The following ITGAL variants were observed in gnomAD, a reference collection of about 807,000 sequenced individuals.
ITGAL encodes the protein integrin subunit alpha L.
A neutral mutation model predicts 138.4 loss-of-function variants in ITGAL; 68 were observed. That is an observed-to-expected ratio of 0.49 (90% CI 0.40 to 0.60). The LOEUF (loss-of-function observed/expected upper bound fraction) is 0.60, where lower values mean the gene tolerates loss of function less well. Among genes scored for constraint, ITGAL ranks in the 20% least tolerant of loss-of-function variants. ITGAL has a pLI of 0.00. For synonymous variants in ITGAL, 561 were observed against 584.3 expected, an observed-to-expected ratio of 0.96 and a Z score of 0.57; for missense variants, 1,256 against 1,478.6, an observed-to-expected ratio of 0.85 and a Z score of 2.47.
chr16:30,497,429 C>A (rs1225196754), intron 15 of ITGAL, among the ~76,000 whole-genome samples: 2 of 151,228 alleles, frequency 1.3e-5, no homozygotes, highest in African/African-American at 4.8e-5. Context: ...ATTACTTGAG[C>A]TCAAGAGTTT....
In ITGAL at chr16:30,499,734, T is replaced by TA. The variant is rs71149033; in HGVS notation, c.2145+245_2145+246insA. The stretch of plus-strand genomic sequence containing the variant: ...ATATGTATATATATATATATATATA[T>TA]TTTTTTTTTTTTGACACAGAGTCTC... On this transcript the variant is annotated intron_variant, in intron 17 of 30. Coordinates refer to ENST00000356798, the MANE Select transcript of ITGAL (RefSeq NM_002209.3). 4.2e-3 allele frequency among the ~76,000 whole-genome samples: 321 copies of TA among 76,616 alleles called. 5 individuals are homozygous for TA. The highest frequency in any genetic ancestry group is 0.011 in the African/African-American group (141 of 12,814). The allele number at this position is 76,616 out of a possible 152,430, so 50.3% of individuals were successfully genotyped here.
In ITGAL at chr16:30,494,377, G is replaced by T; in HGVS notation, c.1365+14G>T. ...CATGGGACCCAGGTGCGCCCAGTCCGAGGGCATCTGCAGACCAGGGACTGG... is the reference window on the plus strand; with the variant it reads ...CATGGGACCCAGGTGCGCCCAGTCCTAGGGCATCTGCAGACCAGGGACTGG... On this transcript the variant is annotated intron_variant, in intron 12 of 30. Coordinates refer to ENST00000356798, the MANE Select transcript of ITGAL (RefSeq NM_002209.3). This position sits in a 1 kb window ranked among gnomAD's most constrained non-coding sequence, Gnocchi z 4.2. The T allele has an allele frequency of 6.3e-7, 1 of 1,590,078 alleles. No individual in the cohort carries two copies. The highest frequency in any genetic ancestry group is 8.6e-7 in the Non-Finnish European group (1 of 1,163,722).
Position 30,474,268 on chromosome 16 carries a change from T to C in ITGAL, c.134T>C (p.Phe45Ser). Residue 45 changes from phenylalanine to serine, a missense_variant, in exon 2 of 31, where the codon TTT becomes TCT. Around this residue, in one of 3 missense-constraint regions of ITGAL, gnomAD observed 212 missense variants for 217.4 expected, o/e 0.98. Transcript: ENST00000356798. ...SFSPPRAGRH[F>S]GYRVLQVGNG... ...TCCCCACCGCGCGCCGGGAGGCACTTTGGATACCGCGTCCTGCAGGTCGGA... is the reference window on the plus strand; with the variant it reads ...TCCCCACCGCGCGCCGGGAGGCACTCTGGATACCGCGTCCTGCAGGTCGGA... 6.2e-7 allele frequency: 1 copy of C among 1,609,328 alleles called. No individual in the cohort carries two copies. The highest frequency in any genetic ancestry group is 8.5e-7 in the Non-Finnish European group (1 of 1,177,936).
intron 30 of ITGAL, among the ~76,000 whole-genome samples, chr16:30,520,762 T>C (rs2051241084): frequency 6.6e-6 from 1 of 152,030 alleles, no homozygotes; most frequent in Non-Finnish European, 1.5e-5. Flanking sequence ...GAGGTGGCAT[T>C]TGAGGTGGGA....
In ITGAL at chr16:30,503,486, T is replaced by A. The variant is rs577217512; in HGVS notation, c.2146-689T>A. Among the ~76,000 whole-genome samples, 14 of 119,726 alleles carry A rather than the reference T, an allele frequency of 1.2e-4. No homozygotes were observed. The East Asian group carries it at 2.7e-3, about 23-fold the overall frequency. The allele number at this position is 119,726 out of a possible 152,430, so 78.5% of individuals were successfully genotyped here. On this transcript the variant is annotated intron_variant, in intron 17 of 30. Coordinates refer to ENST00000356798, the MANE Select transcript of ITGAL (RefSeq NM_002209.3). ...TAGAGGGGGACAGAAGGAGGGAGGATGAAAGAGAAAGAGAAAGAAAGGAGG... is the reference window on the plus strand; with the variant it reads ...TAGAGGGGGACAGAAGGAGGGAGGAAGAAAGAGAAAGAGAAAGAAAGGAGG...
In ITGAL at chr16:30,510,882, T is replaced by A; in HGVS notation, c.2621T>A (p.Val874Asp). 1 of 1,613,720 alleles carries A rather than the reference T, an allele frequency of 6.2e-7. No individual in the cohort carries two copies. The highest frequency in any genetic ancestry group is 8.5e-7 in the Non-Finnish European group (1 of 1,179,772). Reference sequence around the variant, plus strand: ...CATTGCCCTCTCCTTTCCTGCCAGGTTGCTCTGCAGATGATGTTTAATACA... The same window carrying A: ...CATTGCCCTCTCCTTTCCTGCCAGGATGCTCTGCAGATGATGTTTAATACA... ...SSPIFKAGHS[V>D]ALQMMFNTLV... is the part of the protein sequence containing the mutation. The change falls in exon 23 of 31, where the codon GTT becomes GAT. Residue 874 changes from valine (V) to aspartate (D), a missense_variant and splice_region_variant. Around this residue, in one of 3 missense-constraint regions of ITGAL, gnomAD observed 867 missense variants for 972.5 expected, o/e 0.89. Coordinates refer to ENST00000356798, the MANE Select transcript of ITGAL (RefSeq NM_002209.3).
chr16:30,478,045 A>G (rs1264700658), intron 4 of ITGAL, among the ~76,000 whole-genome samples: 3 of 151,720 alleles, frequency 2.0e-5, no homozygotes, highest in Non-Finnish European at 4.4e-5. Context: ...AAGGAAGGAA[A>G]GAAAGAAAAG....
At chr16:30,507,713 C>G (rs2051025369) in intron 21 of ITGAL, among the ~76,000 whole-genome samples, 1 of 151,876 alleles carries the variant, frequency 6.6e-6, no homozygotes, top group Admixed American at 6.6e-5. Flanking sequence ...TCTCAAACTT[C>G]TGAGCTCAAG....
intron 25 of ITGAL, among the ~76,000 whole-genome samples, chr16:30,514,322 G>A (rs999376480): frequency 4.6e-5 from 7 of 151,582 alleles, no homozygotes; most frequent in African/African-American, 1.7e-4. Context: ...TGTCACCCAG[G>A]CTGGAGTGCA....
At chr16:30,482,948 T>C (rs1462493340) in intron 7 of ITGAL, among the ~76,000 whole-genome samples, 1 of 152,100 alleles carries the variant, frequency 6.6e-6, no homozygotes, top group Non-Finnish European at 1.5e-5. Context: ...TGTCTCAGCC[T>C]CCTGAGTAGT....
intron 21 of ITGAL, chr16:30,509,585 C>G (rs2051057475): frequency 6.6e-6 from 1 of 152,034 alleles, no homozygotes; most frequent in African/African-American, 2.4e-5. Context: ...CCCCTACACC[C>G]AACTTTTATT....
At chr16:30,472,919 G>T (rs1325885255) in intron 1 of ITGAL, 21 bp downstream of exon 1, 1 of 1,609,484 alleles carries the variant, frequency 6.2e-7, no homozygotes, top group Non-Finnish European at 8.5e-7. Flanking sequence ...GAGGAGGCAG[G>T]GGAAGGGACA....
intron 9 of ITGAL, among the ~76,000 whole-genome samples, chr16:30,486,831 T>TGTTGCCCAGACTGGAGTGCA (rs1467575120): frequency 6.6e-6 from 1 of 152,192 alleles, no homozygotes; most frequent in African/African-American, 2.4e-5. Context: ...GGACTCACTC[T>TGTTGCCCAGACTGGAGTGCA]GTTGCCCAGA....
chr16:30,489,013 C>T, intron 9 of ITGAL, 69 bp from the exon 10 acceptor site: 1 of 1,306,374 alleles, frequency 7.7e-7, no homozygotes, highest in Non-Finnish European at 1.1e-6. Context: ...TCTTCCCCGT[C>T]CTGCCATGAA....
intron 11 of ITGAL, among the ~76,000 whole-genome samples, chr16:30,491,010 C>G (rs2050717354): frequency 6.6e-6 from 1 of 151,002 alleles, no homozygotes; most frequent in Non-Finnish European, 1.5e-5. Context: ...TTGTGCATGC[C>G]TGTGGTCCCA....
intron 9 of ITGAL, among the ~76,000 whole-genome samples, chr16:30,487,824 T>C (rs1194801604): frequency 6.6e-6 from 1 of 151,918 alleles, no homozygotes; most frequent in East Asian, 1.9e-4. Context: ...CTCGAGCAAT[T>C]CTCCTGCCTC....
chr16:30,482,959 T>C (rs1202115451), intron 7 of ITGAL, among the ~76,000 whole-genome samples: 1 of 152,156 alleles, frequency 6.6e-6, no homozygotes, highest in Non-Finnish European at 1.5e-5. Flanking sequence ...CCTGAGTAGT[T>C]GGGACTACAA....
chr16:30,487,498 C>T (rs2050664972), intron 9 of ITGAL, among the ~76,000 whole-genome samples: 1 of 151,414 alleles, frequency 6.6e-6, no homozygotes, highest in South Asian at 2.1e-4. Context: ...CAACCTCAGC[C>T]TCCTCGGTTC....
At position 30,505,248 on chromosome 16, in the gene ITGAL, G is replaced by A. The variant is rs150394379; in HGVS notation, c.2240G>A (p.Gly747Asp). The A allele has an allele frequency of 1.2e-5, 19 of 1,606,886 alleles. No individual in the cohort carries two copies. In the African/African-American group the frequency reaches 2.5e-4, roughly 22 times the overall value. Residue 747 changes from glycine (G) to aspartate (D), a missense_variant, in exon 19 of 31, where the codon GGC becomes GAC. Transcript: ENST00000356798. ...EGTPRDQRAQGKDIPPILRPS... is the reference protein window; with the variant it reads ...EGTPRDQRAQDKDIPPILRPS... ...TGCCCACTACCCCTCGCTCAGCAGG[G>A]CAAGGACATACCGCCCATCCTGAGA... is the stretch of plus-strand genomic sequence containing the variant.
Sources: allele counts gnomAD v4.1 joint callset (sites outside exome capture counted in the v4.1 genomes callset), GRCh38; gene constraint gnomAD v4.1.1; regional missense constraint gnomAD v4.1.1; non-coding constraint Gnocchi (gnomAD v3.1); transcripts MANE v1.5; gene names NCBI Gene and HGNC (gene_info 2026-07-23, HGNC 2026-07-21).